Variants in AMPH observed in about 807,000 individuals in gnomAD.
The protein encoded by AMPH is amphiphysin (Stiff-Mann syndrome with breast cancer 128kD autoantigen).
Under a neutral mutation model 99.1 loss-of-function variants are expected in AMPH, and 49 were observed. The observed-to-expected ratio is 0.49, with a 90% CI of 0.39 to 0.63. The LOEUF is 0.63. AMPH is among the 20% of genes least tolerant of loss of function. The pLI, the probability that AMPH is intolerant of heterozygous loss-of-function variation, is 0.00. For missense variants in AMPH, 759 were observed against 863.4 expected, an observed-to-expected ratio of 0.88 and a Z score of 1.52; for synonymous variants, 314 against 317.3, an observed-to-expected ratio of 0.99 and a Z score of 0.11.
chr7:38,528,275 G>A (rs1790264346), intron 2 of AMPH, among the ~76,000 whole-genome samples: 1 of 152,050 alleles, frequency 6.6e-6, no homozygotes, highest in Non-Finnish European at 1.5e-5. Context: ...ATTGAGAAGT[G>A]CTCCCTCCTC....
At chr7:38,528,772 A>T in intron 2 of AMPH, among the ~76,000 whole-genome samples, 2 of 146,440 alleles carry the variant, frequency 1.4e-5, no homozygotes, top group Admixed American at 6.8e-5. Context: ...CTTTGGGTTT[A>T]TTTTCTTCTC....
chr7:38,577,335 C>T (rs936112503), intron 1 of AMPH, among the ~76,000 whole-genome samples: 2 of 152,184 alleles, frequency 1.3e-5, no homozygotes, highest in Non-Finnish European at 2.9e-5. Context: ...CCAGCCCCCG[C>T]CCTGTCAGTT....
chr7:38,584,085 T>C (rs1385877096), intron 1 of AMPH, among the ~76,000 whole-genome samples: 1 of 152,204 alleles, frequency 6.6e-6, no homozygotes, highest in Non-Finnish European at 1.5e-5. Flanking sequence ...TTTAAAAAAA[T>C]AAGGTCATTA....
chr7:38,587,151 T>C (rs1377308216), intron 1 of AMPH, among the ~76,000 whole-genome samples: 1 of 152,160 alleles, frequency 6.6e-6, no homozygotes. Flanking sequence ...ATTTTATAAC[T>C]TTTTTCGCTC....
chr7:38,528,073 C>T (rs1187827450), intron 2 of AMPH, among the ~76,000 whole-genome samples: 1 of 152,098 alleles, frequency 6.6e-6, no homozygotes, highest in Non-Finnish European at 1.5e-5. Context: ...GTTAAACCAG[C>T]CTCGCATATC....
At chr7:38,387,300 T>C (rs1177784524) in intron 20 of AMPH, among the ~76,000 whole-genome samples, 1 of 152,156 alleles carries the variant, frequency 6.6e-6, no homozygotes, top group African/African-American at 2.4e-5. Flanking sequence ...AATAGAAATA[T>C]GCCCTGAGAT....
chr7:38,505,194 A>C (rs1360098985), intron 2 of AMPH, among the ~76,000 whole-genome samples: 1 of 152,242 alleles, frequency 6.6e-6, no homozygotes, highest in African/African-American at 2.4e-5. Context: ...AATACAAATA[A>C]ACTGACAAGA....
chr7:38,424,069 C>A (rs1335695956), intron 15 of AMPH, among the ~76,000 whole-genome samples: 1 of 152,136 alleles, frequency 6.6e-6, no homozygotes, highest in Non-Finnish European at 1.5e-5. Context: ...TTGAACTTCA[C>A]AGACAGGAGA....
chr7:38,429,612 CA>C, intron 14 of AMPH: 1 of 1,438,492 alleles, frequency 7.0e-7, no homozygotes, highest in Non-Finnish European at 9.2e-7. Context: ...GGAAAAAAAA[CA>C]AAAACAAAAG....
At chr7:38,447,878 C>T (rs1786852915) in intron 11 of AMPH, among the ~76,000 whole-genome samples, 1 of 152,012 alleles carries the variant, frequency 6.6e-6, no homozygotes, top group Non-Finnish European at 1.5e-5. Flanking sequence ...TAGAGATTTT[C>T]ATCTTTTATT....
intron 1 of AMPH, among the ~76,000 whole-genome samples, chr7:38,551,189 T>C (rs555785645): frequency 3.3e-5 from 5 of 152,276 alleles, no homozygotes; most frequent in African/African-American, 1.2e-4. Context: ...CAAATCTATG[T>C]CAGATTTCCT....
chr7:38,425,489 AC>A (rs1012231032), intron 15 of AMPH, among the ~76,000 whole-genome samples: 7 of 152,244 alleles, frequency 4.6e-5, no homozygotes, highest in Admixed American at 1.3e-4. Context: ...TTTTATAATT[AC>A]CACAAAGGAA....
At chr7:38,545,700 T>C (rs770984668) in intron 1 of AMPH, among the ~76,000 whole-genome samples, 5 of 152,210 alleles carry the variant, frequency 3.3e-5, no homozygotes, top group Non-Finnish European at 4.4e-5. Flanking sequence ...CTCAGATTGG[T>C]AGATGTTCTG....
intron 2 of AMPH, among the ~76,000 whole-genome samples, chr7:38,524,905 A>G (rs981580313): frequency 6.6e-6 from 1 of 152,044 alleles, no homozygotes; most frequent in Non-Finnish European, 1.5e-5. Context: ...AATTCAGCAC[A>G]GTCCTCACCA....
chr7:38,485,231 G>C (rs1043631069), intron 5 of AMPH, among the ~76,000 whole-genome samples: 2 of 151,902 alleles, frequency 1.3e-5, no homozygotes, highest in African/African-American at 2.4e-5. Flanking sequence ...TTGTCTACAA[G>C]AGATTTACTT....
intron 11 of AMPH, among the ~76,000 whole-genome samples, chr7:38,457,786 G>C (rs994629528): frequency 6.6e-6 from 1 of 152,146 alleles, no homozygotes; most frequent in Non-Finnish European, 1.5e-5. Flanking sequence ...AAAAATAAAA[G>C]ACAGAATCCT....
At position 38,496,512 on chromosome 7, in the gene AMPH, G is replaced by C. The variant is rs151296709; in HGVS notation, c.206-1985C>G. ...GTAGGAAAAAAACAGTATGACTCAA[G>C]ACTCTGGGGACTCTGATGAAACAGA... On this transcript the variant is annotated intron_variant, in intron 3 of 20. Coordinates refer to ENST00000356264, the MANE Select transcript of AMPH (RefSeq NM_001635.4). 1.5e-4 allele frequency among the ~76,000 whole-genome samples: 23 copies of C among 152,218 alleles called. No individual in the cohort carries two copies. The East Asian group carries it at 4.3e-3, about 28-fold the overall frequency.
rs1179977542 is a variant in AMPH, at chr7:38,464,607, A to G, written c.749+860T>C. Among the ~76,000 whole-genome samples the G allele has an allele frequency of 2.6e-5, 4 of 152,222 alleles. No individual in the cohort carries two copies. The East Asian group carries it at 7.7e-4, about 29-fold the overall frequency. ...GTGTTTGTATTAAAATGGCAAATAT[A>G]GAATGTCAGGACTGTATATTACCTT... On this transcript the variant is annotated intron_variant, in intron 9 of 20. Coordinates refer to ENST00000356264, the MANE Select transcript of AMPH (RefSeq NM_001635.4).
At chr7:38,503,050 G>GC (rs56412448) in intron 3 of AMPH, among the ~76,000 whole-genome samples, 152,338 of 152,338 alleles carry the variant, frequency 1, 76,169 homozygotes, top group Non-Finnish European at 1. Flanking sequence ...CACAGGCTGA[G>GC]CCACCTCCCT....
Sources: gnomAD v4.1 joint callset for allele counts (sites outside exome capture counted in the v4.1 genomes callset) on GRCh38, gnomAD v4.1.1 for gene constraint, MANE v1.5 for transcripts, NCBI Gene and HGNC (gene_info 2026-07-23, HGNC 2026-07-21) for gene names.